The following SPTLC3 variants were observed in gnomAD, a reference collection of about 807,000 sequenced individuals.
SPTLC3 encodes the protein serine palmitoyltransferase long chain base subunit 3, also known as serine palmitoyltransferase 3.
SPTLC3 carries 36 observed loss-of-function variants against 59.3 expected under a neutral mutation model. That is an observed-to-expected ratio of 0.61 (90% CI 0.47 to 0.80). The LOEUF is 0.80. Among genes scored for constraint, SPTLC3 ranks in the 30% least tolerant of loss-of-function variants. SPTLC3 has a pLI of 0.00. For missense variants in SPTLC3, 625 were observed against 685.1 expected (o/e 0.91, Z 0.98); for synonymous variants, 257 against 240.8 (o/e 1.07, Z -0.62).
intron 4 of SPTLC3, among the ~76,000 whole-genome samples, chr20:13,075,054 A>G (rs180917148): frequency 8.7e-4 from 132 of 152,302 alleles, no homozygotes; most frequent in Non-Finnish European, 1.4e-3. Flanking sequence ...TCAGGAAGAA[A>G]GAATAATGCA....
At chr20:13,131,827 C>T (rs984609032) in intron 9 of SPTLC3, among the ~76,000 whole-genome samples, 19 of 152,228 alleles carry the variant, frequency 1.2e-4, no homozygotes, top group Admixed American at 1.3e-4. Context: ...ATGTCACTTC[C>T]CCACTGAGAA....
At chr20:13,098,775 G>A (rs1013384241) in intron 6 of SPTLC3, among the ~76,000 whole-genome samples, 1 of 152,142 alleles carries the variant, frequency 6.6e-6, no homozygotes, top group African/African-American at 2.4e-5. Flanking sequence ...ATTCCATGAG[G>A]TAGGAACTGC....
chr20:13,110,687 C>G (rs1040291557), intron 7 of SPTLC3, among the ~76,000 whole-genome samples: 2 of 152,054 alleles, frequency 1.3e-5, no homozygotes, highest in Non-Finnish European at 2.9e-5. Flanking sequence ...AAAGATCTGC[C>G]TGTTTTCCCC....
chr20:13,081,801 C>CA (rs1568593105), intron 4 of SPTLC3, among the ~76,000 whole-genome samples: 1 of 152,054 alleles, frequency 6.6e-6, no homozygotes, highest in East Asian at 1.9e-4. Context: ...TTATAGATTC[C>CA]AATTAATGAG....
chr20:13,026,224 ATCCC>A (rs1986138258), intron 1 of SPTLC3, among the ~76,000 whole-genome samples: 1 of 152,194 alleles, frequency 6.6e-6, no homozygotes, highest in Admixed American at 6.5e-5. Flanking sequence ...AACAATTTAT[ATCCC>A]TTTGGGCAGG....
At chr20:13,147,928 T>G (rs2876343) in intron 9 of SPTLC3, among the ~76,000 whole-genome samples, 43,602 of 152,166 alleles carry the variant, frequency 0.29, 6,373 homozygotes, top group South Asian at 0.46. Flanking sequence ...AAAACGAGAT[T>G]GCAAAGTCTG....
chr20:13,029,757 C>T (rs571940861), intron 1 of SPTLC3, among the ~76,000 whole-genome samples: 5 of 152,174 alleles, frequency 3.3e-5, no homozygotes, highest in Non-Finnish European at 7.3e-5. Flanking sequence ...TAAGTGTAAT[C>T]TGTAAGGATA....
At chr20:13,148,599 C>T (rs1164660197) in intron 9 of SPTLC3, among the ~76,000 whole-genome samples, 1 of 152,190 alleles carries the variant, frequency 6.6e-6, no homozygotes, top group African/African-American at 2.4e-5. Context: ...ATTTGCCACA[C>T]CCAGTGAAGG....
chr20:13,077,047 G>C (rs1347030571), intron 4 of SPTLC3, among the ~76,000 whole-genome samples: 1 of 152,126 alleles, frequency 6.6e-6, no homozygotes, highest in Non-Finnish European at 1.5e-5. Context: ...CTAGAAAATA[G>C]TGGAATACAA....
chr20:13,072,217 C>T (rs1271270669), intron 2 of SPTLC3, 39 bp from the exon 3 acceptor site: 3 of 1,567,710 alleles, frequency 1.9e-6, no homozygotes, highest in Middle Eastern at 3.5e-4. Context: ...ATCCAGAAAG[C>T]AAAGAACCAG....
At chr20:13,110,251 G>C in intron 7 of SPTLC3, 34 bp downstream of exon 7, 4 of 1,575,532 alleles carry the variant, frequency 2.5e-6, no homozygotes, top group Non-Finnish European at 3.5e-6. Flanking sequence ...TTACGACTCG[G>C]AGGCCTGCAG....
At chr20:13,104,261 T>C (rs1178416647) in intron 6 of SPTLC3, among the ~76,000 whole-genome samples, 5 of 152,196 alleles carry the variant, frequency 3.3e-5, no homozygotes. Context: ...CCAAATCTCA[T>C]CTTGAATTGT....
At chr20:13,074,960 C>A (rs1180299198) in intron 4 of SPTLC3, among the ~76,000 whole-genome samples, 1 of 152,134 alleles carries the variant, frequency 6.6e-6, no homozygotes, top group Non-Finnish European at 1.5e-5. Context: ...AGCAGCCTGC[C>A]TCTTTATTTT....
chr20:13,101,351 A>C (rs1220048179), intron 6 of SPTLC3, among the ~76,000 whole-genome samples: 3 of 152,230 alleles, frequency 2.0e-5, no homozygotes, highest in Admixed American at 1.3e-4. Context: ...ATTTGCTGCC[A>C]GGCCATATGT....
chr20:13,097,640 G>A (rs1989466555), intron 6 of SPTLC3, among the ~76,000 whole-genome samples: 1 of 152,144 alleles, frequency 6.6e-6, no homozygotes, highest in Non-Finnish European at 1.5e-5. Context: ...GACCCTGTGT[G>A]TCTCCAGATA....
At chr20:13,070,325 T>TC (rs1988390348) in intron 2 of SPTLC3, among the ~76,000 whole-genome samples, 1 of 152,152 alleles carries the variant, frequency 6.6e-6, no homozygotes, top group African/African-American at 2.4e-5. Context: ...GTATACTTTT[T>TC]CCCCAAGAAA....
intron 9 of SPTLC3, among the ~76,000 whole-genome samples, chr20:13,128,073 A>T (rs1289158454): frequency 6.6e-6 from 1 of 152,230 alleles, no homozygotes; most frequent in Non-Finnish European, 1.5e-5. Flanking sequence ...GAGAAAAACA[A>T]TATTTATGAG....
intron 1 of SPTLC3, among the ~76,000 whole-genome samples, chr20:13,025,779 T>A (rs1018110778): frequency 6.6e-6 from 1 of 152,138 alleles, no homozygotes; most frequent in African/African-American, 2.4e-5. Flanking sequence ...GCCTGTTATA[T>A]AGGTAAACTT....
At chr20:13,011,881 T>A (rs1246991688) in intron 1 of SPTLC3, among the ~76,000 whole-genome samples, 2 of 152,176 alleles carry the variant, frequency 1.3e-5, no homozygotes, top group Non-Finnish European at 2.9e-5. Context: ...AGAGGATTTG[T>A]TCTCCCTCTT....
Sources: allele counts gnomAD v4.1 joint callset (sites outside exome capture counted in the v4.1 genomes callset), GRCh38; gene constraint gnomAD v4.1.1; transcripts MANE v1.5; gene names NCBI Gene and HGNC (gene_info 2026-07-23, HGNC 2026-07-21).